ANKRD28: variants seen among roughly 807,000 people sequenced by gnomAD.
ANKRD28 encodes the protein ankyrin repeat domain 28, also known as serine/threonine-protein phosphatase 6 regulatory ankyrin repeat subunit A.
A neutral mutation model predicts 126.5 loss-of-function variants in ANKRD28; 44 were observed. The ratio of observed to expected loss-of-function variants is 0.35; its 90% CI spans 0.27 to 0.45. The LOEUF is 0.45. Among genes scored for constraint, ANKRD28 ranks in the 20% least tolerant of loss-of-function variants. ANKRD28 has a pLI of 1.00. For missense variants in ANKRD28, 1,110 were observed against 1,316.6 expected (o/e 0.84, Z 2.43); for synonymous variants, 442 against 468.5 (o/e 0.94, Z 0.73).
intron 2 of ANKRD28, among the ~76,000 whole-genome samples, chr3:15,777,630 G>A (rs1464880753): frequency 6.6e-6 from 1 of 152,136 alleles, no homozygotes; most frequent in Non-Finnish European, 1.5e-5. Context: ...AGTGTCAGCT[G>A]CCCAAGTACA....
In ANKRD28 at chr3:15,685,183, T is replaced by C. The variant is rs1024979983; in HGVS notation, c.2389+43A>G. The C allele has an allele frequency of 1.9e-6, 3 of 1,591,112 alleles. No homozygotes were observed. In the South Asian group the frequency reaches 3.3e-5, roughly 18 times the overall value. On this transcript the variant is annotated intron_variant, in intron 21 of 27. Transcript: ENST00000683139. ...TATAAATATGTCATTCTTTTATCTCTGTTCACTACACAATGATATGCATTT... is the reference window on the plus strand; with the variant it reads ...TATAAATATGTCATTCTTTTATCTCCGTTCACTACACAATGATATGCATTT...
intron 8 of ANKRD28, among the ~76,000 whole-genome samples, chr3:15,714,999 T>C (rs2072835203): frequency 6.6e-6 from 1 of 152,132 alleles, no homozygotes; most frequent in Non-Finnish European, 1.5e-5. Context: ...CAAGTAAAAG[T>C]GAGTATTAGA....
intron 1 of ANKRD28, among the ~76,000 whole-genome samples, chr3:15,807,356 C>T (rs2060606796): frequency 6.6e-6 from 1 of 152,012 alleles, no homozygotes; most frequent in Non-Finnish European, 1.5e-5. Context: ...TTTCCCCAAG[C>T]GATGTGGGAT....
intron 8 of ANKRD28, 107 bp from the exon 9 acceptor site, chr3:15,714,763 A>G (rs2072801779): frequency 1.3e-6 from 1 of 761,074 alleles, no homozygotes; most frequent in Admixed American, 3.9e-5. Context: ...ACTATTTTAC[A>G]TGAATTAAGT....
At chr3:15,834,899 T>C (rs1468016287) in intron 1 of ANKRD28, among the ~76,000 whole-genome samples, 2 of 152,188 alleles carry the variant, frequency 1.3e-5, no homozygotes, top group Non-Finnish European at 2.9e-5. Flanking sequence ...AACCTTCCTT[T>C]AAGAATTAAA....
In ANKRD28 at chr3:15,671,232, C is replaced by T. The variant is rs1211277982; in HGVS notation, c.2966-676G>A. The stretch of plus-strand genomic sequence containing the variant: ...TTTTTTTAAGCGGAAGACAACTGAC[C>T]TTAGTCGTAAGTTACCACAAAGTGT... On this transcript the variant is annotated intron_variant, in intron 27 of 27. Transcript: ENST00000683139. 2.0e-5 allele frequency among the ~76,000 whole-genome samples: 3 copies of T among 152,078 alleles called. No individual in the cohort carries two copies. The East Asian group carries it at 5.8e-4, about 29-fold the overall frequency.
chr3:15,748,781 T>C (rs2057655129), intron 4 of ANKRD28, among the ~76,000 whole-genome samples: 1 of 152,204 alleles, frequency 6.6e-6, no homozygotes. Flanking sequence ...TTCTCTCAAA[T>C]ATAGTTTCCA....
At chr3:15,824,778 CTTACTT>C (rs748112870) in intron 1 of ANKRD28, among the ~76,000 whole-genome samples, 65 of 152,248 alleles carry the variant, frequency 4.3e-4, no homozygotes, top group Non-Finnish European at 8.2e-4. Context: ...GTCAAAACGA[CTTACTT>C]TTACAGAACA....
chr3:15,857,973 T>A (rs943555969), intron 1 of ANKRD28, among the ~76,000 whole-genome samples: 5 of 152,208 alleles, frequency 3.3e-5, no homozygotes, highest in African/African-American at 1.2e-4. Flanking sequence ...GTTAAGAGTA[T>A]AAGATGCACG....
At chr3:15,766,900 T>C (rs2058764762) in intron 2 of ANKRD28, among the ~76,000 whole-genome samples, 1 of 152,232 alleles carries the variant, frequency 6.6e-6, no homozygotes, top group Non-Finnish European at 1.5e-5. Context: ...CGTCAGTATA[T>C]TTCCACAGTT....
rs891414037 is a variant in ANKRD28, at chr3:15,858,160, A to C, written c.27+1217T>G. Reference sequence around the variant, plus strand: ...CTGAGCACTTAAAATGTGGCTAGCAAAACTATGGAACTTGGTTTAATTTCA... The same window carrying C: ...CTGAGCACTTAAAATGTGGCTAGCACAACTATGGAACTTGGTTTAATTTCA... On this transcript the variant is annotated intron_variant, in intron 1 of 27. Transcript: ENST00000399451. Among the ~76,000 whole-genome samples, 3 of 152,248 alleles carry C rather than the reference A, an allele frequency of 2.0e-5. No homozygotes were observed. In the East Asian group the frequency reaches 5.8e-4, roughly 29 times the overall value.
chr3:15,743,545 A>AACACACACAC lies in ANKRD28; in HGVS notation c.352-6322_352-6313dup, dbSNP rs4036221. Among the ~76,000 whole-genome samples, 661 of 140,476 alleles carry AACACACACAC rather than the reference A, an allele frequency of 4.7e-3. 2 individuals are homozygous for AACACACACAC. Among genetic ancestry groups the AACACACACAC allele is most frequent in the South Asian group, 0.011 (46 of 4,302 alleles). 92.2% of individuals were successfully genotyped at this position (140,476 alleles called of 152,430 possible). ...CTCCAGCAGTGCAGTGTGGCTTTTT[A>AACACACACAC]ACACACACACACACACACACACACA... On this transcript the variant is annotated intron_variant, in intron 4 of 27. Transcript: ENST00000683139.
At chr3:15,773,403 T>C (rs372591261) in intron 2 of ANKRD28, among the ~76,000 whole-genome samples, 149 of 152,296 alleles carry the variant, frequency 9.8e-4, no homozygotes, top group African/African-American at 3.5e-3. Flanking sequence ...GGTGGGCGGA[T>C]CACCTGAGGT....
At position 15,853,720 on chromosome 3, in the gene ANKRD28, C is replaced by T. The variant is rs559869946; in HGVS notation, c.27+5657G>A. On this transcript the variant is annotated intron_variant, in intron 1 of 27. Transcript: ENST00000399451. The surrounding 1 kb of genome is among the most constrained non-coding windows in gnomAD (Gnocchi z 4.2). Reference sequence around the variant, plus strand: ...TCCTGACCTCATGATCCGCCCGCCTCGGTCTCCCAAAGTGCTGGGATTACA... The same window carrying T: ...TCCTGACCTCATGATCCGCCCGCCTTGGTCTCCCAAAGTGCTGGGATTACA... Among the ~76,000 whole-genome samples, 53 of 152,214 alleles carry T rather than the reference C, an allele frequency of 3.5e-4. 1 individual carries two copies. The highest frequency in any genetic ancestry group is 2.3e-3 in the Admixed American group (35 of 15,286).
At chr3:15,758,863 G>C (rs1321846748) in intron 3 of ANKRD28, among the ~76,000 whole-genome samples, 1 of 152,224 alleles carries the variant, frequency 6.6e-6, no homozygotes, top group Non-Finnish European at 1.5e-5. Context: ...AGAAACATCA[G>C]AACGGTGTTT....
chr3:15,688,785 T>G (rs59304854), intron 18 of ANKRD28, among the ~76,000 whole-genome samples: 1 of 152,152 alleles, frequency 6.6e-6, no homozygotes, highest in Non-Finnish European at 1.5e-5. Context: ...GACTTGGTTA[T>G]AGACCTTCGT....
At chr3:15,841,377 C>G (rs1051275976) in intron 1 of ANKRD28, among the ~76,000 whole-genome samples, 1 of 151,910 alleles carries the variant, frequency 6.6e-6, no homozygotes, top group Non-Finnish European at 1.5e-5. Context: ...TTCTGCACAG[C>G]AAAGGAAATA....
rs190319892 is a variant in ANKRD28 at position 15,671,353 on chromosome 3, G to T, written c.2966-797C>A. On this transcript the variant is annotated intron_variant, in intron 27 of 27. Transcript: ENST00000683139. Reference sequence around the variant, plus strand: ...GGGAGAGAAGTGATAATAGTGTGATGCCAAGCTTCAATTATACCATATGGA... The same window carrying T: ...GGGAGAGAAGTGATAATAGTGTGATTCCAAGCTTCAATTATACCATATGGA... Among the ~76,000 whole-genome samples the T allele has an allele frequency of 6.6e-5, 10 of 152,236 alleles. No homozygotes were observed. The East Asian group carries it at 1.9e-3, about 29-fold the overall frequency.
intron 1 of ANKRD28, among the ~76,000 whole-genome samples, chr3:15,796,026 G>C (rs2060259001): frequency 6.6e-6 from 1 of 152,056 alleles, no homozygotes; most frequent in Non-Finnish European, 1.5e-5. Flanking sequence ...TTACAGAAAA[G>C]GCCATGCCTT....
Sources: allele counts gnomAD v4.1 joint callset (sites outside exome capture counted in the v4.1 genomes callset), GRCh38; gene constraint gnomAD v4.1.1; non-coding constraint Gnocchi (gnomAD v3.1); transcripts MANE v1.5; gene names NCBI Gene and HGNC (gene_info 2026-07-23, HGNC 2026-07-21).